Variants in BPIFA2 observed in about 807,000 individuals in gnomAD.
BPIFA2 encodes BPI fold containing family A member 2.
Under a neutral mutation model 25.7 loss-of-function variants are expected in BPIFA2, and 20 were observed. The observed-to-expected ratio is 0.78, with a 90% CI of 0.55 to 1.13. BPIFA2 has a LOEUF of 1.13. BPIFA2 is among the 50% of genes most tolerant of loss of function. The pLI is 0.00. For missense variants in BPIFA2, 300 were observed against 298.1 expected (o/e 1.01, Z -0.05); for synonymous variants, 126 against 124.3 (o/e 1.01, Z -0.09).
intron 3 of BPIFA2, 67 bp downstream of exon 3, chr20:33,173,143 A>T: frequency 6.4e-7 from 1 of 1,552,182 alleles, no homozygotes. Flanking sequence ...TTGAGGAGGT[A>T]AGTTTAAGAT....
Position 33,175,554 on chromosome 20 carries a change from G to A in BPIFA2, c.558G>A (p.Leu186=). 1 of 1,613,816 alleles carries A rather than the reference G, an allele frequency of 6.2e-7. No individual in the cohort carries two copies. Among genetic ancestry groups the A allele is most frequent in the Non-Finnish European group, 8.5e-7 (1 of 1,179,878 alleles). Residue 186 remains leucine, a synonymous_variant, in exon 5 of 9, where the codon CTG becomes CTA. Coordinates refer to ENST00000354932, the MANE Select transcript of BPIFA2 (RefSeq NM_080574.4). The part of the protein sequence containing the change: ...SDPTSISLSL[L]DKHSQIINKF... ...CAACCAGCATCTCACTTTCCTTGCT[G>A]GACAAGTAAGTCCCATTCATCTTAG...
chr20:33,179,760 C>A, intron 7 of BPIFA2, 93 bp downstream of exon 7: 1 of 1,274,330 alleles, frequency 7.8e-7, no homozygotes, highest in Non-Finnish European at 1.1e-6. Context: ...CCTGGAGAAG[C>A]AGAAGGACCC....
At chr20:33,180,688 T>TAG in intron 8 of BPIFA2, 91 bp downstream of exon 8, 1 of 1,045,152 alleles carries the variant, frequency 9.6e-7, no homozygotes, top group Non-Finnish European at 1.4e-6. Flanking sequence ...GTTAGAAGAC[T>TAG]GTGCCTTCAT....
chr20:33,165,929 G>A (rs1386507150), upstream of BPIFA2, among the ~76,000 whole-genome samples: 1 of 152,032 alleles, frequency 6.6e-6, no homozygotes, highest in African/African-American at 2.4e-5. Flanking sequence ...GGTGACCTCT[G>A]AGGATCCCAA....
intron 2 of BPIFA2, among the ~76,000 whole-genome samples, chr20:33,172,439 C>T (rs1983928041): frequency 1.3e-5 from 2 of 152,056 alleles, no homozygotes; most frequent in Non-Finnish European, 2.9e-5. Context: ...TGTGGACCTG[C>T]TGGAAAGCTG....
intron 5 of BPIFA2, 109 bp downstream of exon 5, chr20:33,175,668 G>T: frequency 1.6e-6 from 2 of 1,219,156 alleles, no homozygotes; most frequent in Non-Finnish European, 2.3e-6. Context: ...AAGTGTTCAG[G>T]CTCTGGAGTC....
intron 6 of BPIFA2, among the ~76,000 whole-genome samples, chr20:33,178,632 T>C (rs1240679984): frequency 6.6e-6 from 1 of 152,216 alleles, no homozygotes; most frequent in Admixed American, 6.5e-5. Context: ...TTTAATTTTT[T>C]TTCCATCTGT....
chr20:33,178,517 A>G (rs1473063469), intron 6 of BPIFA2, among the ~76,000 whole-genome samples: 1 of 152,224 alleles, frequency 6.6e-6, no homozygotes, highest in Non-Finnish European at 1.5e-5. Context: ...TTACTTAAAT[A>G]TGTTTCTTTA....
intron 5 of BPIFA2, among the ~76,000 whole-genome samples, chr20:33,176,337 C>A (rs546259898): frequency 6.6e-6 from 1 of 152,282 alleles, no homozygotes; most frequent in Admixed American, 6.5e-5. Context: ...GTGATGCTGG[C>A]CGATGGCTGG....
At chr20:33,178,279 G>C (rs1489203920) in intron 6 of BPIFA2, 51 bp downstream of exon 6, 3 of 1,414,026 alleles carry the variant, frequency 2.1e-6, no homozygotes, top group Non-Finnish European at 3.0e-6. Flanking sequence ...GGGGGCAGGT[G>C]GGGGAATTTG....
At chr20:33,164,145 AG>A (rs1042773186), upstream of BPIFA2, among the ~76,000 whole-genome samples, 6 of 152,220 alleles carry the variant, frequency 3.9e-5, no homozygotes, top group African/African-American at 1.4e-4. Flanking sequence ...TGCCCACTAA[AG>A]GGTTGTCAAA....
intron 7 of BPIFA2, 151 bp downstream of exon 7, chr20:33,179,818 CG>C: frequency 1.4e-5 from 11 of 771,486 alleles, no homozygotes; most frequent in Admixed American, 4.2e-5. Context: ...CACAGGCACC[CG>C]GGGGCTCCCT....
At chr20:33,180,424 C>A (rs994521401) in intron 7 of BPIFA2, 96 bp from the exon 8 acceptor site, 1 of 1,370,162 alleles carries the variant, frequency 7.3e-7, no homozygotes, top group African/African-American at 1.4e-5. Context: ...CCACAACTGT[C>A]AGGTTACCGG....
chr20:33,165,916 T>G (rs1983709457), upstream of BPIFA2, among the ~76,000 whole-genome samples: 1 of 152,076 alleles, frequency 6.6e-6, no homozygotes, highest in East Asian at 1.9e-4. Context: ...AGCCTGAACC[T>G]CGGGTGACCT....
At chr20:33,172,390 G>T (rs573411419) in intron 2 of BPIFA2, among the ~76,000 whole-genome samples, 2 of 147,382 alleles carry the variant, frequency 1.4e-5, no homozygotes, top group Non-Finnish European at 2.9e-5. Context: ...ATGTATCCCG[G>T]AACTTAAAGT....
intron 1 of BPIFA2, 57 bp from the exon 2 acceptor site, chr20:33,169,074 G>A (rs1036061498): frequency 5.7e-6 from 8 of 1,409,490 alleles, no homozygotes; most frequent in Admixed American, 3.5e-5. Flanking sequence ...GGAACTCACT[G>A]AAGAGTCCAT....
upstream of BPIFA2, among the ~76,000 whole-genome samples, chr20:33,166,990 G>A (rs1304707796): frequency 6.6e-6 from 1 of 152,218 alleles, no homozygotes; most frequent in Non-Finnish European, 1.5e-5. Context: ...AACCATTCAA[G>A]ACCACAGGCA....
intron 5 of BPIFA2, among the ~76,000 whole-genome samples, chr20:33,176,673 A>G (rs534283942): frequency 1.3e-5 from 2 of 152,328 alleles, no homozygotes; most frequent in Non-Finnish European, 2.9e-5. Context: ...CTGAGGCTCC[A>G]GATCCTCCCA....
At chr20:33,175,331 C>T in intron 4 of BPIFA2, 76 bp from the exon 5 acceptor site, 1 of 1,435,460 alleles carries the variant, frequency 7.0e-7, no homozygotes, top group Non-Finnish European at 9.6e-7. Flanking sequence ...CTCATGTCCA[C>T]ACAGGTGGAG....
Sources: gnomAD v4.1 joint callset for allele counts (sites outside exome capture counted in the v4.1 genomes callset) on GRCh38, gnomAD v4.1.1 for gene constraint, MANE v1.5 for transcripts, NCBI Gene and HGNC (gene_info 2026-07-23, HGNC 2026-07-21) for gene names.